Variants in FOXN3 observed in about 807,000 individuals in gnomAD.
FOXN3 encodes forkhead box N3.
A neutral mutation model predicts 38.4 loss-of-function variants in FOXN3; 7 were observed. The observed-to-expected ratio is 0.18, with a 90% CI of 0.10 to 0.34. The LOEUF is 0.34. Among genes scored for constraint, FOXN3 ranks in the 10% least tolerant of loss-of-function variants. The probability of loss-of-function intolerance (pLI) is 1.00; values close to 1 mark genes in which losing one functional copy is unlikely to be tolerated. For missense variants in FOXN3, 456 were observed against 613.4 expected (o/e 0.74, Z 2.71); for synonymous variants, 230 against 242.2 (o/e 0.95, Z 0.47).
chr14:89,193,336 A>T (rs539054472), intron 4 of FOXN3, among the ~76,000 whole-genome samples: 2 of 152,248 alleles, frequency 1.3e-5, no homozygotes, highest in East Asian at 3.9e-4. Context: ...TCCAAAACAC[A>T]TTAAAGGAAA....
chr14:89,160,665 T>C lies in FOXN3; in HGVS notation c.*1749A>G, dbSNP rs1461551602. On this transcript the variant is annotated 3_prime_UTR_variant, in exon 6 of 6. Coordinates refer to ENST00000557258, the MANE Select transcript of FOXN3 (RefSeq NM_005197.4). ...TCAAATTATTGCGTCATGTTAAACA[T>C]GTACAGACAGAGAGAAAGGACACAC... 6.6e-6 allele frequency: 1 copy of C among 152,516 alleles called. No individual in the cohort carries two copies. Among genetic ancestry groups the C allele is most frequent in the Non-Finnish European group, 1.5e-5 (1 of 68,052 alleles). The allele number at this position is 152,516 out of a possible 1,614,324, so 9.4% of individuals were successfully genotyped here.
In FOXN3 at chr14:89,262,577, T is replaced by C. The variant is rs142515701; in HGVS notation, c.745+18373A>G. On this transcript the variant is annotated intron_variant, in intron 4 of 5. Coordinates refer to ENST00000557258, the MANE Select transcript of FOXN3 (RefSeq NM_005197.4). ...AATCAGGACATGTGGGTAACTAACC[T>C]TAACTAAAAAAAGAAAATATTGTCT... Among the ~76,000 whole-genome samples the C allele has an allele frequency of 9.9e-3, 1,508 of 152,276 alleles. 21 individuals carry two copies. The highest frequency in any genetic ancestry group is 0.034 in the African/African-American group (1,428 of 41,560).
rs180910955 is a variant in FOXN3, at chr14:89,484,089, G to A, written c.-14-71599C>T. Among the ~76,000 whole-genome samples, 44 of 152,244 alleles carry A rather than the reference G, an allele frequency of 2.9e-4. No individual in the cohort carries two copies. The highest frequency in any genetic ancestry group is 1.8e-3 in the Admixed American group (28 of 15,278). Reference sequence around the variant, plus strand: ...CGAAATGGCCTCATGTTGCATCTAGGTTTTATTTTAAGTTAAAGAGATGAA... The same window carrying A: ...CGAAATGGCCTCATGTTGCATCTAGATTTTATTTTAAGTTAAAGAGATGAA... On this transcript the variant is annotated intron_variant, in intron 1 of 6. Coordinates refer to the FOXN3 transcript ENST00000345097. The surrounding 1 kb of genome is among the most constrained non-coding windows in gnomAD (Gnocchi z 4.0).
At chr14:89,196,249 A>G (rs1368875459) in intron 4 of FOXN3, among the ~76,000 whole-genome samples, 1 of 152,220 alleles carries the variant, frequency 6.6e-6, no homozygotes, top group Non-Finnish European at 1.5e-5. Flanking sequence ...TCCAGAATCA[A>G]CGGTCCAGCT....
chr14:89,334,042 C>CAT (rs1888362758), intron 3 of FOXN3, among the ~76,000 whole-genome samples: 1 of 146,600 alleles, frequency 6.8e-6, no homozygotes, highest in Non-Finnish European at 1.5e-5. Context: ...CACACACACA[C>CAT]ACACACAAAG....
chr14:89,269,998 C>T lies in FOXN3; in HGVS notation c.745+10952G>A, dbSNP rs376493136. Among the ~76,000 whole-genome samples the T allele has an allele frequency of 2.0e-5, 3 of 152,194 alleles. No individual in the cohort carries two copies. The East Asian group carries it at 5.8e-4, about 29-fold the overall frequency. Reference sequence around the variant, plus strand: ...TTCTCTTTTGGAAAACCCTCCATGTCACAGTGATTGATTCGCTGTGCTAAG... The same window carrying T: ...TTCTCTTTTGGAAAACCCTCCATGTTACAGTGATTGATTCGCTGTGCTAAG... On this transcript the variant is annotated intron_variant, in intron 4 of 5. Coordinates refer to ENST00000557258, the MANE Select transcript of FOXN3 (RefSeq NM_005197.4).
At chr14:89,454,917 G>T (rs1287813571) in intron 1 of FOXN3, among the ~76,000 whole-genome samples, 3 of 152,166 alleles carry the variant, frequency 2.0e-5, no homozygotes, top group Non-Finnish European at 4.4e-5. Flanking sequence ...TGGGGATATG[G>T]TTCCTATATG....
intron 1 of FOXN3, among the ~76,000 whole-genome samples, chr14:89,513,165 A>AG (rs1555358187): frequency 6.0e-5 from 9 of 150,726 alleles, no homozygotes; most frequent in African/African-American, 1.7e-4. Flanking sequence ...AAAAAAAAAA[A>AG]AAAAGAAAAA....
intron 2 of FOXN3, among the ~76,000 whole-genome samples, chr14:89,378,072 A>G (rs1397624876): frequency 2.0e-5 from 3 of 152,266 alleles, no homozygotes; most frequent in Non-Finnish European, 2.9e-5. Context: ...TTATTAAGCC[A>G]ACCAGGCTGT....
At position 89,521,358 on chromosome 14, in the gene FOXN3, T is replaced by TAGATAGAGAG. The variant is rs554058509; in HGVS notation, c.-15+97669_-15+97670insCTCTCTATCT. 3.8e-3 allele frequency among the ~76,000 whole-genome samples: 472 copies of TAGATAGAGAG among 125,048 alleles called. 3 individuals carry two copies. The highest frequency in any genetic ancestry group is 0.013 in the Middle Eastern group (3 of 240). The allele number at this position is 125,048 out of a possible 152,430, so 82.0% of individuals were successfully genotyped here. A position where few individuals can be genotyped will look rare whatever the true frequency, so the allele number is the denominator to read the frequency against. ...ATGATGAATCTTCATAGATGATAGA[T>TAGATAGAGAG]AGAGAGAGAGAGAGAGAGAGAGAGA... On this transcript the variant is annotated intron_variant, in intron 1 of 6. Coordinates refer to the FOXN3 transcript ENST00000345097.
chr14:89,509,860 T>C (rs1012148615), intron 1 of FOXN3, among the ~76,000 whole-genome samples: 2 of 152,272 alleles, frequency 1.3e-5, no homozygotes, highest in African/African-American at 2.4e-5. Context: ...TCTGAATAAA[T>C]GACTTCTTCG....
intron 1 of FOXN3, among the ~76,000 whole-genome samples, chr14:89,481,269 G>C (rs1374998430): frequency 6.6e-6 from 1 of 152,118 alleles, no homozygotes; most frequent in East Asian, 1.9e-4. Flanking sequence ...GTAAAATGCA[G>C]CGCCCAGTTT....
At chr14:89,197,523 G>A (rs985566340) in intron 4 of FOXN3, among the ~76,000 whole-genome samples, 20 of 151,390 alleles carry the variant, frequency 1.3e-4, no homozygotes, top group Admixed American at 1.1e-3. Context: ...AAAAGAGCAC[G>A]GGTACATGGT....
rs1893395961 is a variant in FOXN3, at chr14:89,484,060, A to G, written c.-14-71570T>C. Among the ~76,000 whole-genome samples the G allele has an allele frequency of 6.6e-6, 1 of 152,226 alleles. No homozygotes were observed. The highest frequency in any genetic ancestry group is 1.5e-5 in the Non-Finnish European group (1 of 68,042). ...GATGCTTCATCTTACAGACAACCCT[A>G]AGACGAAATGGCCTCATGTTGCATC... On this transcript the variant is annotated intron_variant, in intron 1 of 6. Coordinates refer to the FOXN3 transcript ENST00000345097. The surrounding 1 kb of genome is among the most constrained non-coding windows in gnomAD (Gnocchi z 4.0).
At position 89,426,459 on chromosome 14, in the gene FOXN3, TC is replaced by T. The variant is rs530527502; in HGVS notation, c.-14-13970del. Reference sequence around the variant, plus strand: ...CCAGGCTGGTCTAGAACTCCTGACCTCAGGTGACCCACCCGCCTCGGCCTCC... The same window carrying T: ...CCAGGCTGGTCTAGAACTCCTGACCTAGGTGACCCACCCGCCTCGGCCTCC... On this transcript the variant is annotated intron_variant, in intron 1 of 6. Transcript: ENST00000345097. Among the ~76,000 whole-genome samples, 329 of 152,042 alleles carry T rather than the reference TC, an allele frequency of 2.2e-3. 2 individuals carry two copies. The highest frequency in any genetic ancestry group is 7.4e-3 in the African/African-American group (305 of 41,478).
intron 1 of FOXN3, among the ~76,000 whole-genome samples, chr14:89,557,271 T>C (rs1019190933): frequency 6.6e-6 from 1 of 152,182 alleles, no homozygotes; most frequent in Non-Finnish European, 1.5e-5. Flanking sequence ...GTCCTTTCCA[T>C]AGAAAGATAA....
chr14:89,521,360 G>T (rs536407984), intron 1 of FOXN3, among the ~76,000 whole-genome samples: 2 of 129,210 alleles, frequency 1.5e-5, no homozygotes, highest in Non-Finnish European at 3.3e-5. Flanking sequence ...ATGATAGATA[G>T]AGAGAGAGAG....
chr14:89,297,805 C>G (rs985028945), intron 3 of FOXN3, among the ~76,000 whole-genome samples: 1 of 151,922 alleles, frequency 6.6e-6, no homozygotes, highest in African/African-American at 2.4e-5. Context: ...TAGCAAGACC[C>G]TGATTCTACA....
intron 4 of FOXN3, among the ~76,000 whole-genome samples, chr14:89,253,279 G>C (rs1226977810): frequency 6.6e-6 from 1 of 152,214 alleles, no homozygotes; most frequent in Non-Finnish European, 1.5e-5. Flanking sequence ...CTCTGGCAGG[G>C]ATCTGGCATT....
Sources: gnomAD v4.1 joint callset for allele counts (sites outside exome capture counted in the v4.1 genomes callset) on GRCh38, gnomAD v4.1.1 for gene constraint, Gnocchi (gnomAD v3.1) non-coding constraint, MANE v1.5 for transcripts, NCBI Gene and HGNC (gene_info 2026-07-23, HGNC 2026-07-21) for gene names.